The following EEF1A1 variants were observed in gnomAD, a reference collection of about 807,000 sequenced individuals.
EEF1A1 encodes the protein eukaryotic translation elongation factor 1 alpha 1, also known as elongation factor 1-alpha 1.
A neutral mutation model predicts 38.5 loss-of-function variants in EEF1A1; 1 was observed. The ratio of observed to expected loss-of-function variants is 0.03; its 90% CI spans 0.01 to 0.12. The LOEUF (loss-of-function observed/expected upper bound fraction) is 0.12. Among genes scored for constraint, EEF1A1 ranks in the 10% least tolerant of loss-of-function variants. The probability of loss-of-function intolerance (pLI) is 1.00; values close to 1 mark genes in which losing one functional copy is unlikely to be tolerated. For missense variants in EEF1A1, 184 were observed against 588.3 expected, an observed-to-expected ratio of 0.31 and a Z score of 7.11; for synonymous variants, 229 against 203.7, an observed-to-expected ratio of 1.12 and a Z score of -1.06.
Position 73,516,114 on chromosome 6 carries a change from A to G in EEF1A1, c.*1696T>C, listed in dbSNP as rs1483035489. 1.3e-5 allele frequency: 2 copies of G among 152,240 alleles called. No homozygotes were observed. The highest frequency in any genetic ancestry group is 2.9e-5 in the Non-Finnish European group (2 of 68,046). The allele number at this position is 152,240 out of a possible 1,614,324, so 9.4% of individuals were successfully genotyped here. A position where few individuals can be genotyped will look rare whatever the true frequency, so the allele number is the denominator to read the frequency against. ...ACTAAGGACAAAAATCTCTAGTTCAATTTAGACTTGATACCTCAGAGCACT... is the reference window on the plus strand; with the variant it reads ...ACTAAGGACAAAAATCTCTAGTTCAGTTTAGACTTGATACCTCAGAGCACT... On this transcript the variant is annotated 3_prime_UTR_variant, in exon 8 of 8. Transcript: ENST00000309268.
intron 2 of EEF1A1, 127 bp from the exon 3 acceptor site, chr6:73,519,643 T>C: frequency 8.0e-7 from 1 of 1,253,680 alleles, no homozygotes; most frequent in Non-Finnish European, 1.1e-6. Context: ...TTAGTCACTT[T>C]GGGTTACAGA....
intron 3 of EEF1A1, 28 bp downstream of exon 3, chr6:73,519,309 G>C: frequency 6.2e-7 from 1 of 1,606,428 alleles, no homozygotes. Context: ...TTGGGATAAA[G>C]AAACCTAGAA....
At position 73,519,636 on chromosome 6, in the gene EEF1A1, G is replaced by A. The variant is rs1253754398; in HGVS notation, c.145-120C>T. On this transcript the variant is annotated intron_variant, in intron 2 of 7. Transcript: ENST00000309268. ...CAACTCCAAGTCCAAAGTGATTTTA[G>A]TCACTTTGGGTTACAGAAGCAACCA... The A allele has an allele frequency of 1.8e-5, 23 of 1,250,346 alleles. No homozygotes were observed. The East Asian group carries it at 3.3e-4, about 18-fold the overall frequency. 77.5% of individuals were successfully genotyped at this position (1,250,346 alleles called of 1,614,324 possible). A position where few individuals can be genotyped will look rare whatever the true frequency, so the allele number is the denominator to read the frequency against.
rs1341406500 is a variant in EEF1A1, at chr6:73,519,317, G to A, written c.324+20C>T. On this transcript the variant is annotated intron_variant, in intron 3 of 7. Transcript: ENST00000309268. Reference sequence around the variant, plus strand: ...AAGCCTTTTGGGATAAAGAAACCTAGAATTATTAATCCCACCAACCTGAGA... The same window carrying A: ...AAGCCTTTTGGGATAAAGAAACCTAAAATTATTAATCCCACCAACCTGAGA... 2 of 1,606,756 alleles carry A rather than the reference G, an allele frequency of 1.2e-6. No homozygotes were observed. The highest frequency in any genetic ancestry group is 1.7e-6 in the Non-Finnish European group (2 of 1,175,430).
chr6:73,518,644 A>T, intron 5 of EEF1A1, 34 bp from the exon 6 acceptor site: 1 of 1,612,896 alleles, frequency 6.2e-7, no homozygotes, highest in South Asian at 1.1e-5. Context: ...AATACCTATG[A>T]AGGCAGACAG....
chr6:73,517,978 T>G (rs1330080415), intron 7 of EEF1A1, 44 bp from the exon 8 acceptor site: 1 of 1,613,022 alleles, frequency 6.2e-7, no homozygotes, highest in South Asian at 1.1e-5. Flanking sequence ...ACTGTTCAGT[T>G]GTATTTTTCA....
chr6:73,518,758 G>C lies in EEF1A1; in HGVS notation c.712C>G (p.Pro238Ala). The C allele has an allele frequency of 6.2e-7, 1 of 1,614,248 alleles. No individual in the cohort carries two copies. Among genetic ancestry groups the C allele is most frequent in the South Asian group, 1.1e-5 (1 of 91,088 alleles). ...AAGGGCTTGTCAGTTGGACGAGTTG[G>C]TGGTAGGATGCAGTCCAGAGCCTCA... is the stretch of plus-strand genomic sequence containing the variant. ...LLEALDCILP[P>A]TRPTDKPLRL... is the part of the protein sequence containing the mutation. The change falls in exon 5 of 8, where the codon CCA becomes GCA. Residue 238 changes from proline to alanine, a missense_variant. Around this residue, in one of 3 missense-constraint regions of EEF1A1, gnomAD observed 46 missense variants for 73.9 expected, o/e 0.62. Coordinates refer to ENST00000309268, the MANE Select transcript of EEF1A1 (RefSeq NM_001402.6).
In EEF1A1 at chr6:73,516,913, G is replaced by A. The variant is rs1182180287; in HGVS notation, c.*897C>T. 6.6e-6 allele frequency: 1 copy of A among 152,306 alleles called. No individual in the cohort carries two copies. Among genetic ancestry groups the A allele is most frequent in the East Asian group, 1.9e-4 (1 of 5,184 alleles). The allele number at this position is 152,306 out of a possible 1,614,324, so 9.4% of individuals were successfully genotyped here. A position where few individuals can be genotyped will look rare whatever the true frequency, so the allele number is the denominator to read the frequency against. On this transcript the variant is annotated 3_prime_UTR_variant, in exon 8 of 8. Coordinates refer to ENST00000309268, the MANE Select transcript of EEF1A1 (RefSeq NM_001402.6). ...GCATAAAAGGTATTAGACTCTGCAG[G>A]AGAAAAGCAATGTAGATTAGTCTAA...
In EEF1A1 at chr6:73,515,900, C is replaced by T. The variant is rs1765503144; in HGVS notation, c.*1910G>A. 6.6e-6 allele frequency: 1 copy of T among 152,182 alleles called. No homozygotes were observed. Among genetic ancestry groups the T allele is most frequent in the Admixed American group, 6.5e-5 (1 of 15,276 alleles). 9.4% of individuals were successfully genotyped at this position (152,182 alleles called of 1,614,324 possible). ...AAGTAAACTGACTCATTCCTGCTTC[C>T]AGTGGGAACAATTTTTCAGTTAAAT... On this transcript the variant is annotated 3_prime_UTR_variant, in exon 8 of 8. Coordinates refer to ENST00000309268, the MANE Select transcript of EEF1A1 (RefSeq NM_001402.6).
rs980718877 is a variant in EEF1A1 at position 73,517,144 on chromosome 6, T to C, written c.*666A>G. On this transcript the variant is annotated 3_prime_UTR_variant, in exon 8 of 8. Transcript: ENST00000309268. The stretch of plus-strand genomic sequence containing the variant: ...CAAATAGTCAACTTTCACTGCCCAG[T>C]CATTTTAACCCACGTTTCAACATGC... The C allele has an allele frequency of 4.6e-5, 7 of 152,382 alleles. No individual in the cohort carries two copies. The highest frequency in any genetic ancestry group is 1.7e-4 in the African/African-American group (7 of 41,562). The allele number at this position is 152,382 out of a possible 1,614,324, so 9.4% of individuals were successfully genotyped here. A position where few individuals can be genotyped will look rare whatever the true frequency, so the allele number is the denominator to read the frequency against.
rs1044692131 is a variant in EEF1A1 at position 73,517,458 on chromosome 6, C to G, written c.*352G>C. 2.9e-5 allele frequency: 6 copies of G among 210,214 alleles called. No homozygotes were observed. The highest frequency in any genetic ancestry group is 4.7e-5 in the Non-Finnish European group (5 of 105,654). 13.0% of individuals were successfully genotyped at this position (210,214 alleles called of 1,614,324 possible). A position where few individuals can be genotyped will look rare whatever the true frequency, so the allele number is the denominator to read the frequency against. On this transcript the variant is annotated 3_prime_UTR_variant, in exon 8 of 8. Coordinates refer to ENST00000309268, the MANE Select transcript of EEF1A1 (RefSeq NM_001402.6). Reference sequence around the variant, plus strand: ...TCAAGAAGTTTCCAGATTCGTAAAACCAGAATTAGATGTCTTTCACCTAAA... The same window carrying G: ...TCAAGAAGTTTCCAGATTCGTAAAAGCAGAATTAGATGTCTTTCACCTAAA...
chr6:73,519,564 G>A (rs1438359362), intron 2 of EEF1A1, 48 bp from the exon 3 acceptor site: 5 of 1,532,018 alleles, frequency 3.3e-6, no homozygotes, highest in African/African-American at 1.4e-5. Context: ...ACAAACTCCA[G>A]CTTCAATTTC....
intron 1 of EEF1A1, 92 bp from the exon 2 acceptor site, chr6:73,520,148 T>C: frequency 1.6e-6 from 2 of 1,255,010 alleles, no homozygotes; most frequent in Non-Finnish European, 2.2e-6. Context: ...CAAGGAGAAT[T>C]ACATCAAGTG....
At chr6:73,519,787 G>A (rs990124890) in intron 2 of EEF1A1, 96 bp downstream of exon 2, 12 of 1,546,934 alleles carry the variant, frequency 7.8e-6, no homozygotes, top group African/African-American at 2.7e-5. Flanking sequence ...TTAGCATTCA[G>A]ATCTAAACCA....
Position 73,519,213 on chromosome 6 carries a change from G to T in EEF1A1, c.340C>A (p.Leu114Met). The T allele has an allele frequency of 6.2e-7, 1 of 1,603,756 alleles. No homozygotes were observed. Among genetic ancestry groups the T allele is most frequent in the Non-Finnish European group, 8.5e-7 (1 of 1,178,176 alleles). The change falls in exon 4 of 8, where the codon CTG (leucine) becomes ATG (methionine). Residue 114 changes from leucine (L) to methionine (M), a missense_variant. Physicochemically the swap from Leu to Met is conservative, Grantham distance 15. Transcript: ENST00000309268. ...TGTSQADCAV[L>M]IVAAGVGEFE... ...TCACCAACACCAGCAGCAACAATCA[G>T]GACAGCACAGTCAGCCTTTAAAGAA...
At chr6:73,519,666 TCAA>T in intron 2 of EEF1A1, 150 bp from the exon 3 acceptor site, 1 of 1,171,410 alleles carries the variant, frequency 8.5e-7, no homozygotes, top group South Asian at 1.6e-5. Flanking sequence ...CAACCAAAAA[TCAA>T]ACTTTTATAA....
In EEF1A1 at chr6:73,520,065, G is replaced by T. The variant is rs754550463; in HGVS notation, c.-30-9C>A. ...GGTAGTTTTCACGACACCTGAAATG[G>T]AAGAAAAAAACTTTGAACCACTGTC... On this transcript the variant is annotated splice_polypyrimidine_tract_variant and intron_variant, in intron 1 of 7. Coordinates refer to ENST00000309268, the MANE Select transcript of EEF1A1 (RefSeq NM_001402.6). 1.3e-6 allele frequency: 2 copies of T among 1,573,902 alleles called. No individual in the cohort carries two copies. The highest frequency in any genetic ancestry group is 1.7e-6 in the Non-Finnish European group (2 of 1,171,872).
intron 2 of EEF1A1, 60 bp downstream of exon 2, chr6:73,519,822 TA>T: frequency 6.2e-7 from 1 of 1,601,706 alleles, no homozygotes; most frequent in Non-Finnish European, 8.5e-7. Context: ...GGAAATCACC[TA>T]ATGATTCTGC....
chr6:73,519,523 G>C lies in EEF1A1; in HGVS notation c.145-7C>G, dbSNP rs762469714. 2.5e-6 allele frequency: 4 copies of C among 1,586,848 alleles called. No individual in the cohort carries two copies. Among genetic ancestry groups the C allele is most frequent in the Non-Finnish European group, 3.4e-6 (4 of 1,171,228 alleles). The stretch of plus-strand genomic sequence containing the variant: ...TGAAGGAGCCCTTTCCCATCTGTAA[G>C]GATTAAGAGTCGTTACTTGGTTACT... On this transcript the variant is annotated splice_region_variant and splice_polypyrimidine_tract_variant and intron_variant, in intron 2 of 7. Transcript: ENST00000309268.
Sources: gnomAD v4.1 joint callset for allele counts on GRCh38, gnomAD v4.1.1 for gene constraint, gnomAD v4.1.1 regional missense constraint, MANE v1.5 for transcripts, NCBI Gene and HGNC (gene_info 2026-07-23, HGNC 2026-07-21) for gene names.